Variants in DLGAP5 observed in about 807,000 individuals in gnomAD.
DLGAP5 encodes the protein disks large-associated protein 5.
Under a neutral mutation model 99.6 loss-of-function variants are expected in DLGAP5, and 90 were observed. The ratio of observed to expected loss-of-function variants is 0.90; its 90% CI spans 0.76 to 1.08. The LOEUF is 1.08. Ranked by LOEUF, DLGAP5 falls within the 50% of genes least tolerant of loss-of-function variation. The pLI is 0.00. For synonymous variants in DLGAP5, 311 were observed against 321.3 expected (o/e 0.97, Z 0.34); for missense variants, 1,036 against 983.5 (o/e 1.05, Z -0.71).
In DLGAP5 at chr14:55,152,593, AT is replaced by A; in HGVS notation, c.2117del (p.Asn706IlefsTer4). 6.3e-7 allele frequency: 1 copy of A among 1,597,048 alleles called. No individual in the cohort carries two copies. Among genetic ancestry groups the A allele is most frequent in the Admixed American group, 1.7e-5 (1 of 58,728 alleles). On this transcript the variant is annotated frameshift_variant, in exon 16 of 19. Transcript: ENST00000247191. LOFTEE classifies it high-confidence loss of function. ...ACCACACTGGAATTGTACTTACATG[AT>A]TTTCTTCAATTAAATCTGGTAATCC... Reference protein sequence around the residue: ...CPGLPDLIEENHVVNKTDLKV... With the variant: ...CPGLPDLIEEXHVVNKTDLKV...
intron 13 of DLGAP5, among the ~76,000 whole-genome samples, chr14:55,160,882 G>A (rs1379667929): frequency 6.6e-6 from 1 of 152,150 alleles, no homozygotes; most frequent in African/African-American, 2.4e-5. Flanking sequence ...AAAAATAATA[G>A]AGTATAGAAA....
At chr14:55,155,924 T>TA (rs1050269455) in intron 14 of DLGAP5, among the ~76,000 whole-genome samples, 22 of 151,050 alleles carry the variant, frequency 1.5e-4, no homozygotes, top group African/African-American at 4.9e-4. Flanking sequence ...CCGTCTCTAC[T>TA]AAAAAAATAC....
intron 17 of DLGAP5, 95 bp downstream of exon 17, chr14:55,151,600 T>G (rs1197768485): frequency 7.9e-7 from 1 of 1,259,500 alleles, no homozygotes; most frequent in African/African-American, 1.5e-5. Context: ...AATAGTTAGA[T>G]CTAATGTAAA....
chr14:55,188,801 A>AAT, intron 2 of DLGAP5, 141 bp downstream of exon 2: 1 of 525,608 alleles, frequency 1.9e-6, no homozygotes, highest in Non-Finnish European at 3.2e-6. Flanking sequence ...AAAAAAAAAA[A>AAT]GGAAAAAGAC....
chr14:55,154,739 T>TA lies in DLGAP5; in HGVS notation c.1940dup (p.Ser648IlefsTer4). 6.2e-7 allele frequency: 1 copy of TA among 1,614,200 alleles called. No individual in the cohort carries two copies. Among genetic ancestry groups the TA allele is most frequent in the South Asian group, 1.1e-5 (1 of 91,086 alleles). ...TGCCCATCTCATTTCTACTCTGAGA[T>TA]ACAGCTTTGTTGACAGACTTAGGTG... On this transcript the variant is annotated frameshift_variant, in exon 15 of 19. Transcript: ENST00000247191. LOFTEE classifies it high-confidence loss of function.
chr14:55,164,129 C>G (rs897259558), intron 12 of DLGAP5, among the ~76,000 whole-genome samples: 1 of 152,112 alleles, frequency 6.6e-6, no homozygotes, highest in Admixed American at 6.5e-5. Context: ...AGTCTCCATG[C>G]TATGCACTTA....
intron 1 of DLGAP5, 111 bp downstream of exon 1, chr14:55,191,352 G>A (rs972252654): frequency 6.5e-6 from 1 of 152,878 alleles, no homozygotes; most frequent in Non-Finnish European, 1.5e-5. Flanking sequence ...CGGTCCTAAA[G>A]GAGCCTGCCT....
At position 55,177,324 on chromosome 14, in the gene DLGAP5, T is replaced by G; in HGVS notation, c.787A>C (p.Lys263Gln). 1 of 1,598,186 alleles carries G rather than the reference T, an allele frequency of 6.3e-7. No homozygotes were observed. Among genetic ancestry groups the G allele is most frequent in the Non-Finnish European group, 8.5e-7 (1 of 1,173,868 alleles). The change falls in exon 8 of 19, where the codon AAA becomes CAA. Residue 263 changes from lysine to glutamine, a missense_variant. Physicochemically the swap from Lys to Gln is moderately conservative, Grantham distance 53. Transcript: ENST00000247191. Reference protein sequence around the residue: ...ETKPDKGISCKVDSEENTLNS... With the variant: ...ETKPDKGISCQVDSEENTLNS... ...AAAGTATTTTCTTCACTATCGACTT[T>G]ACAAGAAATACCCTAGGATGTGAGT...
intron 13 of DLGAP5, among the ~76,000 whole-genome samples, chr14:55,160,928 G>GA (rs1594667321): frequency 1.3e-5 from 2 of 151,836 alleles, no homozygotes; most frequent in East Asian, 3.9e-4. Flanking sequence ...TGGATAGAAA[G>GA]AAAAAATGGG....
chr14:55,180,536 A>T (rs1883233656), intron 6 of DLGAP5, 120 bp downstream of exon 6: 1 of 1,386,416 alleles, frequency 7.2e-7, no homozygotes, highest in African/African-American at 1.4e-5. Context: ...TTCAGGTATT[A>T]GAATTTCCTG....
chr14:55,160,833 G>C (rs983467559), intron 13 of DLGAP5, among the ~76,000 whole-genome samples: 4 of 152,098 alleles, frequency 2.6e-5, no homozygotes, highest in African/African-American at 9.7e-5. Context: ...TTATAGGGGG[G>C]TAAAACTGAA....
intron 10 of DLGAP5, 118 bp downstream of exon 10, chr14:55,175,228 G>T (rs369746845): frequency 3.7e-6 from 3 of 819,668 alleles, no homozygotes; most frequent in Non-Finnish European, 5.7e-6. Context: ...AAATTTAAAC[G>T]TGAAAATCAC....
chr14:55,170,160 T>TAA (rs984116812), intron 11 of DLGAP5, among the ~76,000 whole-genome samples: 1 of 141,406 alleles, frequency 7.1e-6, no homozygotes. Context: ...ATAAATAAAT[T>TAA]AAAAAAAAAA....
At chr14:55,159,652 G>A (rs1275210186) in intron 13 of DLGAP5, among the ~76,000 whole-genome samples, 2 of 152,138 alleles carry the variant, frequency 1.3e-5, no homozygotes, top group African/African-American at 4.8e-5. Context: ...GTGTGGAGAT[G>A]CTGTCAGTTT....
intron 7 of DLGAP5, among the ~76,000 whole-genome samples, chr14:55,178,872 C>T (rs1215725719): frequency 1.3e-5 from 2 of 152,022 alleles, no homozygotes; most frequent in Non-Finnish European, 2.9e-5. Context: ...CATGGTGAAA[C>T]CTCGTCTCTA....
chr14:55,187,318 C>CTTTTT (rs1194143957), intron 2 of DLGAP5, among the ~76,000 whole-genome samples: 1 of 126,726 alleles, frequency 7.9e-6, no homozygotes, highest in African/African-American at 3.2e-5. Context: ...CAAAGTGATC[C>CTTTTT]TTTTTTTTTT....
intron 10 of DLGAP5, among the ~76,000 whole-genome samples, chr14:55,175,013 A>T (rs114162159): frequency 6.6e-6 from 1 of 152,108 alleles, no homozygotes; most frequent in East Asian, 1.9e-4. Flanking sequence ...TTTAAAAAAG[A>T]AAAAAATGTA....
At chr14:55,186,348 C>T (rs1219047404) in intron 2 of DLGAP5, among the ~76,000 whole-genome samples, 1 of 152,220 alleles carries the variant, frequency 6.6e-6, no homozygotes, top group Non-Finnish European at 1.5e-5. Flanking sequence ...ACAAAATCAG[C>T]AGTAATTCCT....
intron 15 of DLGAP5, among the ~76,000 whole-genome samples, chr14:55,152,917 T>C (rs1882068909): frequency 6.6e-6 from 1 of 152,182 alleles, no homozygotes; most frequent in Non-Finnish European, 1.5e-5. Context: ...CCAGCAATAC[T>C]CTGAATCTCA....
Sources: allele counts gnomAD v4.1 joint callset (sites outside exome capture counted in the v4.1 genomes callset), GRCh38; gene constraint gnomAD v4.1.1; transcripts MANE v1.5; gene names NCBI Gene and HGNC (gene_info 2026-07-23, HGNC 2026-07-21).